Variants in WWOX observed in about 807,000 individuals in gnomAD.
WWOX encodes WW domain containing oxidoreductase.
WWOX carries 69 observed loss-of-function variants against 46.2 expected under a neutral mutation model. The ratio of observed to expected loss-of-function variants is 1.49; its 90% confidence interval spans 1.23 to 1.82. The LOEUF (loss-of-function observed/expected upper bound fraction) is 1.82, where lower values mean the gene tolerates loss of function less well. Ranked by LOEUF, WWOX falls within the 40% of genes most tolerant of loss-of-function variation. The pLI is 0.00. For missense variants in WWOX, 919 were observed against 542.6 expected (o/e 1.69, Z -6.89); for synonymous variants, 359 against 202.6 (o/e 1.77, Z -6.56).
chr16:78,658,469 A>G (rs1324208136), intron 8 of WWOX, among the ~76,000 whole-genome samples: 1 of 152,168 alleles, frequency 6.6e-6, no homozygotes, highest in Non-Finnish European at 1.5e-5. Flanking sequence ...GCTTGAAACA[A>G]CAGAGATTTA....
chr16:78,767,178 T>C (rs1487742717), intron 8 of WWOX, among the ~76,000 whole-genome samples: 1 of 151,192 alleles, frequency 6.6e-6, no homozygotes. Flanking sequence ...TGGGGTGCAG[T>C]GGCACAATCA....
At chr16:79,077,686 A>T (rs184678602) in intron 8 of WWOX, among the ~76,000 whole-genome samples, 1 of 149,662 alleles carries the variant, frequency 6.7e-6, no homozygotes, top group East Asian at 2.0e-4. Context: ...CTCTCGTAGC[A>T]TCTAATGAAA....
At chr16:78,480,159 A>G (rs1334574883) in intron 8 of WWOX, among the ~76,000 whole-genome samples, 3 of 152,224 alleles carry the variant, frequency 2.0e-5, no homozygotes, top group Non-Finnish European at 1.5e-5. Context: ...ATTAATTAAA[A>G]TTAAAAGTTC....
At chr16:78,427,389 G>T (rs538949555) in intron 7 of WWOX, among the ~76,000 whole-genome samples, 129 of 152,250 alleles carry the variant, frequency 8.5e-4, no homozygotes, top group Non-Finnish European at 1.7e-3. Context: ...ATGAGAAGTT[G>T]ACTTCTTTGC....
Position 78,348,090 on chromosome 16 carries a change from G to T in WWOX, c.517-38770G>T, listed in dbSNP as rs1202358720. On this transcript the variant is annotated intron_variant, in intron 5 of 8. Coordinates refer to ENST00000566780, the MANE Select transcript of WWOX (RefSeq NM_016373.4). Reference sequence around the variant, plus strand: ...CTCAAGTCTAGTTTAATTCAAACTTGGAAATAGTTCTTTTATTATTGCTCC... The same window carrying T: ...CTCAAGTCTAGTTTAATTCAAACTTTGAAATAGTTCTTTTATTATTGCTCC... 2.5e-5 allele frequency among the ~76,000 whole-genome samples: 3 copies of T among 122,310 alleles called. 1 individual carries two copies. The highest frequency in any genetic ancestry group is 5.9e-5 in the Non-Finnish European group (3 of 51,072). 80.2% of individuals were successfully genotyped at this position (122,310 alleles called of 152,430 possible). A position where few individuals can be genotyped will look rare whatever the true frequency, so the allele number is the denominator to read the frequency against.
At chr16:78,910,093 A>G (rs1310799451) in intron 8 of WWOX, among the ~76,000 whole-genome samples, 1 of 152,174 alleles carries the variant, frequency 6.6e-6, no homozygotes, top group Admixed American at 6.5e-5. Flanking sequence ...TCATGTGTAG[A>G]TGTGGTGATC....
chr16:78,863,712 C>G (rs2043942645), intron 8 of WWOX, among the ~76,000 whole-genome samples: 1 of 152,124 alleles, frequency 6.6e-6, no homozygotes, highest in South Asian at 2.1e-4. Flanking sequence ...GTTGAACCGG[C>G]AAAACAAACA....
intron 8 of WWOX, among the ~76,000 whole-genome samples, chr16:78,914,760 T>C (rs2045203755): frequency 1.3e-5 from 2 of 151,420 alleles, no homozygotes; most frequent in Non-Finnish European, 2.9e-5. Flanking sequence ...GCGCCTGTAG[T>C]CCCAGCTACT....
At position 79,113,097 on chromosome 16, in the gene WWOX, T is replaced by C. The variant is rs1162463807; in HGVS notation, c.1057-98511T>C. 2.6e-5 allele frequency among the ~76,000 whole-genome samples: 4 copies of C among 152,144 alleles called. No individual in the cohort carries two copies. In the South Asian group the frequency reaches 8.3e-4, roughly 31 times the overall value. The stretch of plus-strand genomic sequence containing the variant: ...AACTCGGTCTGGTGGAACAGAGAGA[T>C]TAAGCAATCAGAAAAACATATGTGT... On this transcript the variant is annotated intron_variant, in intron 8 of 8. Transcript: ENST00000566780.
At position 78,959,673 on chromosome 16, in the gene WWOX, A is replaced by G. The variant is rs1402466205; in HGVS notation, c.1057-251935A>G. On this transcript the variant is annotated intron_variant, in intron 8 of 8. Coordinates refer to ENST00000566780, the MANE Select transcript of WWOX (RefSeq NM_016373.4). The stretch of plus-strand genomic sequence containing the variant: ...GAGCTCATCAAAATTTGTCGGATAG[A>G]CTGCAGGCTCAGACACTGATGAGAC... 1.3e-5 allele frequency among the ~76,000 whole-genome samples: 2 copies of G among 152,134 alleles called. 1 individual carries two copies. Among genetic ancestry groups the G allele is most frequent in the African/African-American group, 4.8e-5 (2 of 41,426 alleles).
intron 8 of WWOX, among the ~76,000 whole-genome samples, chr16:78,463,368 C>G (rs1468447207): frequency 6.6e-6 from 1 of 152,102 alleles, no homozygotes; most frequent in Non-Finnish European, 1.5e-5. Context: ...AAGGATAACC[C>G]TTGAAACCTA....
intron 8 of WWOX, chr16:78,890,264 C>T (rs887563370): frequency 3.3e-5 from 5 of 151,812 alleles, no homozygotes; most frequent in African/African-American, 9.7e-5. Context: ...TAAAAAGAAA[C>T]ATCAATAAAT....
chr16:78,740,929 T>G (rs552958989), intron 8 of WWOX, among the ~76,000 whole-genome samples: 129 of 152,278 alleles, frequency 8.5e-4, no homozygotes, highest in African/African-American at 3.0e-3. Context: ...TAAGAGTTTA[T>G]TTTTTCACTA....
intron 8 of WWOX, among the ~76,000 whole-genome samples, chr16:78,470,571 C>T (rs1459016199): frequency 1.3e-5 from 2 of 152,110 alleles, no homozygotes; most frequent in Non-Finnish European, 2.9e-5. Context: ...GCTCTGTCGC[C>T]CAGGCTGGAG....
rs2081124526 is a variant in WWOX at position 78,348,164 on chromosome 16, A to T, written c.517-38696A>T. Reference sequence around the variant, plus strand: ...CTCCTAAGGTCTAGAGTCAACATGAAAATACCTTTGCTTCTGGGCCATAGC... The same window carrying T: ...CTCCTAAGGTCTAGAGTCAACATGATAATACCTTTGCTTCTGGGCCATAGC... On this transcript the variant is annotated intron_variant, in intron 5 of 8. Coordinates refer to ENST00000566780, the MANE Select transcript of WWOX (RefSeq NM_016373.4). Among the ~76,000 whole-genome samples, 2 of 122,352 alleles carry T rather than the reference A, an allele frequency of 1.6e-5. 1 individual carries two copies. The highest frequency in any genetic ancestry group is 1.6e-4 in the Admixed American group (2 of 12,642). 80.3% of individuals were successfully genotyped at this position (122,352 alleles called of 152,430 possible).
chr16:78,197,866 C>T (rs965539515), intron 5 of WWOX, among the ~76,000 whole-genome samples: 1 of 152,136 alleles, frequency 6.6e-6, no homozygotes, highest in African/African-American at 2.4e-5. Context: ...AAACAGAGCC[C>T]CCATATGTTT....
rs561544507 is a variant in WWOX at position 78,851,058 on chromosome 16, A to G, written c.1057-360550A>G. ...ACATGTGAGTTATTTGAAAGAGGGT[A>G]GGTGTGGACAGTGAGGCCAGGTGAC... On this transcript the variant is annotated intron_variant, in intron 8 of 8. Coordinates refer to ENST00000566780, the MANE Select transcript of WWOX (RefSeq NM_016373.4). Among the ~76,000 whole-genome samples the G allele has an allele frequency of 2.6e-5, 4 of 152,334 alleles. No individual in the cohort carries two copies. In the East Asian group the frequency reaches 7.7e-4, roughly 29 times the overall value.
At chr16:78,373,143 C>T (rs71396180) in intron 5 of WWOX, among the ~76,000 whole-genome samples, 2,678 of 152,170 alleles carry the variant, frequency 0.018, 45 homozygotes, top group Non-Finnish European at 0.029. Context: ...GTAAAAGCAG[C>T]GTGGAGCAGC....
intron 5 of WWOX, among the ~76,000 whole-genome samples, chr16:78,192,814 G>A (rs2035925132): frequency 6.6e-6 from 1 of 152,152 alleles, no homozygotes; most frequent in South Asian, 2.1e-4. Context: ...TGAATGTTTT[G>A]AATTATGTAA....
Sources: allele counts gnomAD v4.1 joint callset (sites outside exome capture counted in the v4.1 genomes callset), GRCh38; gene constraint gnomAD v4.1.1; transcripts MANE v1.5; gene names NCBI Gene and HGNC (gene_info 2026-07-23, HGNC 2026-07-21).